GOLM2: variants seen among roughly 807,000 people sequenced by gnomAD.
GOLM2 encodes the protein protein GOLM2.
GOLM2 carries 26 observed loss-of-function variants against 55.9 expected under a neutral mutation model. The observed-to-expected ratio is 0.47, with a 90% confidence interval of 0.34 to 0.65. The LOEUF (loss-of-function observed/expected upper bound fraction) is 0.65. Ranked by LOEUF, GOLM2 falls within the 30% of genes least tolerant of loss-of-function variation. GOLM2 has a pLI of 0.01. For missense variants in GOLM2, 486 were observed against 531.8 expected (o/e 0.91, Z 0.85); for synonymous variants, 165 against 194.6 (o/e 0.85, Z 1.27).
intron 6 of GOLM2, among the ~76,000 whole-genome samples, chr15:44,342,455 CAG>C (rs2079096396): frequency 6.6e-6 from 1 of 151,956 alleles, no homozygotes; most frequent in Non-Finnish European, 1.5e-5. Context: ...TTTGTAGAGA[CAG>C]GGTGTCGTTA....
At chr15:44,379,313 C>T (rs1456293847) in intron 6 of GOLM2, among the ~76,000 whole-genome samples, 1 of 152,022 alleles carries the variant, frequency 6.6e-6, no homozygotes, top group Non-Finnish European at 1.5e-5. Context: ...CCCATCTCTA[C>T]TGAAAATAAA....
chr15:44,376,220 G>A (rs907536830), intron 6 of GOLM2, among the ~76,000 whole-genome samples: 3 of 152,152 alleles, frequency 2.0e-5, no homozygotes, highest in African/African-American at 7.2e-5. Context: ...GGCAACAAGA[G>A]CAAAACTCCG....
intron 9 of GOLM2, among the ~76,000 whole-genome samples, chr15:44,412,548 G>A (rs558101630): frequency 6.4e-4 from 97 of 152,168 alleles, no homozygotes; most frequent in African/African-American, 2.3e-3. Flanking sequence ...TTGGGATTAT[G>A]AGTGACTTTT....
At chr15:44,292,569 T>C (rs2078728879) in intron 1 of GOLM2, among the ~76,000 whole-genome samples, 1 of 152,206 alleles carries the variant, frequency 6.6e-6, no homozygotes, top group South Asian at 2.1e-4. Flanking sequence ...TTGCCCAGGC[T>C]GCTTTCAAAC....
intron 6 of GOLM2, among the ~76,000 whole-genome samples, chr15:44,343,723 G>A (rs1345577792): frequency 2.0e-5 from 3 of 151,624 alleles, no homozygotes; most frequent in Non-Finnish European, 2.9e-5. Context: ...TACTTGGGAG[G>A]CTGAGGCAGG....
intron 6 of GOLM2, chr15:44,348,641 G>A (rs1375987716): frequency 6.6e-6 from 1 of 152,208 alleles, no homozygotes; most frequent in Non-Finnish European, 1.5e-5. Flanking sequence ...TGCTGATTGT[G>A]GAGCTCTAGG....
At chr15:44,394,685 C>T (rs1238971738) in intron 8 of GOLM2, among the ~76,000 whole-genome samples, 1 of 152,148 alleles carries the variant, frequency 6.6e-6, no homozygotes, top group Admixed American at 6.6e-5. Context: ...ATTTTTGTTA[C>T]AGTTTGTACA....
At chr15:44,358,352 C>A (rs1412591289) in intron 6 of GOLM2, among the ~76,000 whole-genome samples, 2 of 151,902 alleles carry the variant, frequency 1.3e-5, no homozygotes, top group African/African-American at 4.8e-5. Context: ...GACTCTGTCT[C>A]AAAGAAACAA....
intron 8 of GOLM2, chr15:44,390,480 C>G (rs760343622): frequency 2.0e-5 from 3 of 152,094 alleles, no homozygotes; most frequent in African/African-American, 7.2e-5. Flanking sequence ...ATTTATTTAA[C>G]AGTGGTTATT....
At position 44,304,230 on chromosome 15, in the gene GOLM2, C is replaced by CTTCTTT. The variant is rs1301281420; in HGVS notation, c.327+14876_327+14877insCTTTTT. ...TCAGTCACGTCTTCAGGCTCCACTTCTTTTTTTTTTTTTTTTTTTTTTTTT... is the reference window on the plus strand; with the variant it reads ...TCAGTCACGTCTTCAGGCTCCACTTCTTCTTTTTTTTTTTTTTTTTTTTTTTTTTTT... On this transcript the variant is annotated intron_variant, in intron 1 of 9. Coordinates refer to ENST00000299957, the MANE Select transcript of GOLM2 (RefSeq NM_138423.4). 9.9e-4 allele frequency among the ~76,000 whole-genome samples: 82 copies of CTTCTTT among 82,930 alleles called. 1 individual carries two copies. The highest frequency in any genetic ancestry group is 3.5e-3 in the African/African-American group (71 of 20,018). The allele number at this position is 82,930 out of a possible 152,430, so 54.4% of individuals were successfully genotyped here.
chr15:44,290,561 A>G (rs949434366), intron 1 of GOLM2, among the ~76,000 whole-genome samples: 4 of 152,344 alleles, frequency 2.6e-5, no homozygotes, highest in Admixed American at 2.0e-4. Flanking sequence ...GATAGGGTCA[A>G]GGAATCAGTA....
chr15:44,391,997 C>T (rs960767684), intron 8 of GOLM2, among the ~76,000 whole-genome samples: 5 of 151,966 alleles, frequency 3.3e-5, no homozygotes, highest in East Asian at 1.9e-4. Context: ...ATTACAGGCA[C>T]GTGCCACCAT....
chr15:44,300,352 G>A (rs2078789465), intron 1 of GOLM2, among the ~76,000 whole-genome samples: 1 of 151,926 alleles, frequency 6.6e-6, no homozygotes, highest in Non-Finnish European at 1.5e-5. Context: ...AAATATATTG[G>A]GCACTTACTG....
At chr15:44,368,750 CAT>C (rs974507603) in intron 6 of GOLM2, among the ~76,000 whole-genome samples, 5 of 150,710 alleles carry the variant, frequency 3.3e-5, no homozygotes, top group African/African-American at 1.2e-4. Flanking sequence ...TATACATATA[CAT>C]ATATATATAA....
At chr15:44,304,023 C>T (rs2141112933) in intron 1 of GOLM2, among the ~76,000 whole-genome samples, 1 of 150,938 alleles carries the variant, frequency 6.6e-6, no homozygotes, top group Admixed American at 6.6e-5. Flanking sequence ...AACCACGGTG[C>T]CTGGCCACAC....
chr15:44,347,777 T>A (rs185624148), intron 6 of GOLM2, among the ~76,000 whole-genome samples: 1 of 152,214 alleles, frequency 6.6e-6, no homozygotes, highest in Non-Finnish European at 1.5e-5. Flanking sequence ...AGCCAGTGCA[T>A]CTTGCCAGTA....
intron 1 of GOLM2, among the ~76,000 whole-genome samples, chr15:44,314,231 C>G (rs538636591): frequency 4.7e-5 from 7 of 148,648 alleles, no homozygotes; most frequent in African/African-American, 1.7e-4. Flanking sequence ...AGCAAAACTC[C>G]GTCTCAAAAA....
At chr15:44,309,902 G>T (rs538804090) in intron 1 of GOLM2, among the ~76,000 whole-genome samples, 2 of 149,220 alleles carry the variant, frequency 1.3e-5, no homozygotes, top group Non-Finnish European at 3.0e-5. Flanking sequence ...TTTTTTTTTT[G>T]ATACGGAGTT....
intron 8 of GOLM2, among the ~76,000 whole-genome samples, chr15:44,384,770 G>C (rs1377203417): frequency 6.6e-6 from 1 of 151,770 alleles, no homozygotes; most frequent in Non-Finnish European, 1.5e-5. Flanking sequence ...TTAGCTGGGC[G>C]TGGTGGCGCA....
Sources: gnomAD v4.1 joint callset for allele counts (sites outside exome capture counted in the v4.1 genomes callset) on GRCh38, gnomAD v4.1.1 for gene constraint, MANE v1.5 for transcripts, NCBI Gene and HGNC (gene_info 2026-07-23, HGNC 2026-07-21) for gene names.